The following ASB4 variants were observed in gnomAD, a reference collection of about 807,000 sequenced individuals.
ASB4 encodes ankyrin repeat and SOCS box containing 4, also known as ankyrin repeat and SOCS box protein 4.
Under a neutral mutation model 38.6 loss-of-function variants are expected in ASB4, and 35 were observed. The observed-to-expected ratio is 0.91, with a 90% CI of 0.69 to 1.20. ASB4 has a LOEUF of 1.20. ASB4 is among the 50% of genes most tolerant of loss of function. ASB4 has a pLI of 0.00. For missense variants in ASB4, 557 were observed against 527.2 expected, an observed-to-expected ratio of 1.06 and a Z score of -0.55; for synonymous variants, 195 against 201.3, an observed-to-expected ratio of 0.97 and a Z score of 0.26.
chr7:95,544,378 A>C (rs191747567), downstream of ASB4: 1 of 152,314 alleles, frequency 6.6e-6, no homozygotes, highest in African/African-American at 2.4e-5. Context: ...ATGGACAACA[A>C]AAGGTCTCTT....
At chr7:95,475,060 G>T (rs541419594), upstream of ASB4, among the ~76,000 whole-genome samples, 44 of 152,226 alleles carry the variant, frequency 2.9e-4, no homozygotes, top group Admixed American at 2.2e-3. Flanking sequence ...TGTTTTTTAT[G>T]TATAGTGCCT....
intron 1 of ASB4, 114 bp downstream of exon 1, chr7:95,486,272 A>T: frequency 1.3e-6 from 1 of 778,794 alleles, no homozygotes. Context: ...GTATTCATTT[A>T]AAAAATATTT....
At chr7:95,480,652 GA>G (rs1422428609) in intron 1 of ASB4, among the ~76,000 whole-genome samples, 1 of 152,154 alleles carries the variant, frequency 6.6e-6, no homozygotes, top group East Asian at 1.9e-4. Flanking sequence ...TTAGCTAAGT[GA>G]CTGAGCCACT....
chr7:95,532,480 G>T (rs2116652319), intron 3 of ASB4, among the ~76,000 whole-genome samples: 1 of 152,264 alleles, frequency 6.6e-6, no homozygotes, highest in East Asian at 1.9e-4. Flanking sequence ...GGGCAAGAAA[G>T]ACATTTTTCT....
chr7:95,484,947 TAC>T (rs138279078), upstream of ASB4, among the ~76,000 whole-genome samples: 2,254 of 147,158 alleles, frequency 0.015, 62 homozygotes, highest in African/African-American at 0.054. Flanking sequence ...TGTTTCTATT[TAC>T]ACACACATAT....
the ASB4 span, among the ~76,000 whole-genome samples, chr7:95,473,320 C>T: frequency 2.6e-5 from 4 of 152,160 alleles, no homozygotes; most frequent in Non-Finnish European, 2.9e-5. Flanking sequence ...CTTAGTTAAT[C>T]CTCACAAGAA....
Position 95,538,585 on chromosome 7 carries a change from T to C in ASB4, c.*826T>C, listed in dbSNP as rs1370031226. ...TCTGACATGAAGTGTGATTTTTCTTTTAAGCATGAAGTTAAAGAGTGAAGG... is the reference window on the plus strand; with the variant it reads ...TCTGACATGAAGTGTGATTTTTCTTCTAAGCATGAAGTTAAAGAGTGAAGG... On this transcript the variant is annotated 3_prime_UTR_variant, in exon 5 of 5. Coordinates refer to ENST00000325885, the MANE Select transcript of ASB4 (RefSeq NM_016116.3). 2.6e-5 allele frequency: 4 copies of C among 152,244 alleles called. No homozygotes were observed. The highest frequency in any genetic ancestry group is 4.4e-5 in the Non-Finnish European group (3 of 68,036). The allele number at this position is 152,244 out of a possible 1,614,324, so 9.4% of individuals were successfully genotyped here.
chr7:95,501,860 T>C (rs757505387), intron 2 of ASB4, among the ~76,000 whole-genome samples: 21 of 152,162 alleles, frequency 1.4e-4, no homozygotes, highest in Non-Finnish European at 2.9e-5. Flanking sequence ...ATTAGGCTTA[T>C]AAGAATCAAG....
intron 2 of ASB4, among the ~76,000 whole-genome samples, chr7:95,500,678 G>T (rs1790323747): frequency 6.8e-6 from 1 of 147,188 alleles, no homozygotes; most frequent in African/African-American, 2.5e-5. Flanking sequence ...TGGTTCACTT[G>T]TTAAAAATGA....
chr7:95,486,179 T>C lies in ASB4; in HGVS notation c.187+21T>C, dbSNP rs755124294. On this transcript the variant is annotated intron_variant, in intron 1 of 4. Transcript: ENST00000325885. ...ACAAGGTAAAAACATATAGGTGTTA[T>C]TGTAGAACTGTTAGAAAATGATTTA... 7 of 1,582,478 alleles carry C rather than the reference T, an allele frequency of 4.4e-6. No individual in the cohort carries two copies. In the Middle Eastern group the frequency reaches 8.5e-4, roughly 193 times the overall value.
upstream of ASB4, among the ~76,000 whole-genome samples, chr7:95,483,466 T>A (rs2116569501): frequency 6.6e-6 from 1 of 152,362 alleles, no homozygotes; most frequent in South Asian, 2.1e-4. Flanking sequence ...CTAAAGAGAC[T>A]GCTAAATATT....
chr7:95,472,618 A>G, the ASB4 span, among the ~76,000 whole-genome samples: 1 of 152,162 alleles, frequency 6.6e-6, no homozygotes, highest in African/African-American at 2.4e-5. Context: ...TCTCACTAAT[A>G]GGGGTTTTAA....
chr7:95,523,564 GTAATTAGTC>G (rs1379251552), intron 2 of ASB4, among the ~76,000 whole-genome samples: 1 of 152,022 alleles, frequency 6.6e-6, no homozygotes, highest in African/African-American at 2.4e-5. Context: ...GCTTAGTGAG[GTAATTAGTC>G]TTATGCATCA....
intron 1 of ASB4, among the ~76,000 whole-genome samples, chr7:95,495,242 T>A (rs556522383): frequency 3.2e-4 from 49 of 152,276 alleles, no homozygotes; most frequent in African/African-American, 9.9e-4. Flanking sequence ...ATAATTTTTT[T>A]AAAAAGATTA....
chr7:95,525,523 C>G (rs1479542215), intron 2 of ASB4, among the ~76,000 whole-genome samples: 1 of 151,912 alleles, frequency 6.6e-6, no homozygotes, highest in Non-Finnish European at 1.5e-5. Flanking sequence ...AAAAGGAAAC[C>G]ATGTAGCATA....
intron 3 of ASB4, among the ~76,000 whole-genome samples, chr7:95,533,008 TAA>T (rs1790839987): frequency 6.6e-6 from 1 of 152,206 alleles, no homozygotes; most frequent in African/African-American, 2.4e-5. Context: ...AAAATGCTGC[TAA>T]AATAAAACTC....
chr7:95,498,354 C>A (rs1209140721), intron 2 of ASB4, among the ~76,000 whole-genome samples: 1 of 152,170 alleles, frequency 6.6e-6, no homozygotes, highest in Non-Finnish European at 1.5e-5. Flanking sequence ...AAATGTCCCT[C>A]TACTGGGGGG....
At chr7:95,537,254 C>A (rs7779320) in intron 4 of ASB4, among the ~76,000 whole-genome samples, 20,119 of 152,186 alleles carry the variant, frequency 0.13, 1,435 homozygotes, top group African/African-American at 0.15. Flanking sequence ...CATTAAATAT[C>A]TGAATATATG....
chr7:95,507,877 T>C (rs772240582), intron 2 of ASB4, among the ~76,000 whole-genome samples: 7 of 152,100 alleles, frequency 4.6e-5, no homozygotes, highest in African/African-American at 7.2e-5. Flanking sequence ...CAGCTGCTAT[T>C]GGATTTAGTG....
Sources: allele counts gnomAD v4.1 joint callset (sites outside exome capture counted in the v4.1 genomes callset), GRCh38; gene constraint gnomAD v4.1.1; transcripts MANE v1.5; gene names NCBI Gene and HGNC (gene_info 2026-07-23, HGNC 2026-07-21).